Variants in EFCAB14 observed in about 807,000 individuals in gnomAD.
EFCAB14 encodes EF-hand calcium binding domain 14, also known as EF-hand calcium-binding domain-containing protein 14.
Under a neutral mutation model 56.5 loss-of-function variants are expected in EFCAB14, and 43 were observed. The observed-to-expected ratio is 0.76, with a 90% confidence interval of 0.60 to 0.98. The LOEUF is 0.98. Ranked by LOEUF, EFCAB14 falls within the 50% of genes least tolerant of loss-of-function variation. The pLI is 0.00. For missense variants in EFCAB14, 538 were observed against 580.3 expected (o/e 0.93, Z 0.75); for synonymous variants, 235 against 212.9 (o/e 1.10, Z -0.90).
chr1:46,699,023 T>G (rs1677116638), intron 3 of EFCAB14, among the ~76,000 whole-genome samples: 1 of 152,132 alleles, frequency 6.6e-6, no homozygotes, highest in South Asian at 2.1e-4. Flanking sequence ...TACGATTTGC[T>G]GGGACTGGGT....
intron 3 of EFCAB14, among the ~76,000 whole-genome samples, chr1:46,699,825 T>G (rs912734309): frequency 6.6e-6 from 1 of 152,212 alleles, no homozygotes; most frequent in African/African-American, 2.4e-5. Flanking sequence ...CAGAAGAGAA[T>G]AAAGTGGAAG....
At chr1:46,699,167 A>C (rs1390859072) in intron 3 of EFCAB14, among the ~76,000 whole-genome samples, 2 of 152,196 alleles carry the variant, frequency 1.3e-5, no homozygotes, top group African/African-American at 4.8e-5. Context: ...ATACTGAATA[A>C]AGTTCTGAGA....
intron 5 of EFCAB14, 28 bp from the exon 6 acceptor site, chr1:46,689,719 G>A: frequency 6.3e-7 from 1 of 1,593,216 alleles, no homozygotes. Flanking sequence ...GTTTAGTGTA[G>A]GCAACAAGGA....
intron 2 of EFCAB14, 39 bp from the exon 3 acceptor site, chr1:46,708,090 A>G: frequency 2.5e-6 from 4 of 1,593,382 alleles, no homozygotes; most frequent in Non-Finnish European, 3.4e-6. Context: ...ACTAGCATAA[A>G]GTGCCCTCAT....
Position 46,678,861 on chromosome 1 carries a change from G to A in EFCAB14, c.1313-225C>T, listed in dbSNP as rs539722841. Among the ~76,000 whole-genome samples, 44 of 148,260 alleles carry A rather than the reference G, an allele frequency of 3.0e-4. 1 individual carries two copies. Among genetic ancestry groups the A allele is most frequent in the African/African-American group, 1.1e-3 (42 of 39,996 alleles). On this transcript the variant is annotated intron_variant, in intron 10 of 10. Coordinates refer to ENST00000371933, the MANE Select transcript of EFCAB14 (RefSeq NM_014774.3). The stretch of plus-strand genomic sequence containing the variant: ...AAAAAGGCTGGGTGCAGTGGCTTAT[G>A]CCTATAATCCCAACACTCTGGGAGG...
intron 5 of EFCAB14, among the ~76,000 whole-genome samples, chr1:46,690,360 A>C (rs1485320567): frequency 6.6e-6 from 1 of 152,220 alleles, no homozygotes; most frequent in Non-Finnish European, 1.5e-5. Flanking sequence ...CTTATCTAGC[A>C]CAAAGAATGA....
chr1:46,686,574 C>A, intron 8 of EFCAB14: 1 of 560,704 alleles, frequency 1.8e-6, no homozygotes, highest in Non-Finnish European at 3.2e-6. Flanking sequence ...CACTATGGTC[C>A]CCCCAGCTCC....
intron 3 of EFCAB14, among the ~76,000 whole-genome samples, chr1:46,701,306 A>G (rs766037302): frequency 6.6e-6 from 1 of 152,150 alleles, no homozygotes; most frequent in African/African-American, 2.4e-5. Context: ...TGCCCCAGGT[A>G]TGTTTTCCTT....
intron 5 of EFCAB14, among the ~76,000 whole-genome samples, chr1:46,690,978 CAGATGAGTTACAT>C (rs757793696): frequency 6.6e-6 from 1 of 152,128 alleles, no homozygotes. Context: ...GTCCTGATTT[CAGATGAGTTACAT>C]ATAACTCATC....
rs1328089761 is a variant in EFCAB14, at chr1:46,686,774, C to G, written c.1074+10G>C. 1.2e-6 allele frequency: 2 copies of G among 1,612,702 alleles called. No homozygotes were observed. The highest frequency in any genetic ancestry group is 3.3e-5 in the Admixed American group (2 of 59,878). Reference sequence around the variant, plus strand: ...TACTTTTACTTCAGGGTAAGCCTCCCATTATTTACCTTTATGCTTTGGATT... The same window carrying G: ...TACTTTTACTTCAGGGTAAGCCTCCGATTATTTACCTTTATGCTTTGGATT... On this transcript the variant is annotated intron_variant, in intron 8 of 10. Transcript: ENST00000371933.
intron 4 of EFCAB14, among the ~76,000 whole-genome samples, chr1:46,695,215 T>C (rs746773586): frequency 2.6e-5 from 4 of 152,016 alleles, no homozygotes; most frequent in Non-Finnish European, 5.9e-5. Flanking sequence ...GAACTTAAAG[T>C]GTAATAAAAA....
chr1:46,712,845 TA>T (rs11388655), intron 2 of EFCAB14, among the ~76,000 whole-genome samples: 1 of 150,336 alleles, frequency 6.7e-6, no homozygotes. Context: ...CTGTCTCTAC[TA>T]AAAAAAAATA....
rs367575203 is a variant in EFCAB14 at position 46,705,769 on chromosome 1, G to A, written c.480+2137C>T. ...TTTTGTAAATGTATGTATCGCTCAC[G>A]TTTATTTCAATGTTGAATACTAGAT... On this transcript the variant is annotated intron_variant, in intron 3 of 10. Coordinates refer to ENST00000371933, the MANE Select transcript of EFCAB14 (RefSeq NM_014774.3). Among the ~76,000 whole-genome samples the A allele has an allele frequency of 5.1e-4, 77 of 152,110 alleles. No individual in the cohort carries two copies. In the South Asian group the frequency reaches 0.016, roughly 31 times the overall value.
intron 8 of EFCAB14, among the ~76,000 whole-genome samples, chr1:46,685,312 G>A (rs1271604447): frequency 1.3e-5 from 2 of 152,328 alleles, no homozygotes; most frequent in East Asian, 3.9e-4. Context: ...TGGTTTCTAT[G>A]AGGCTCATTT....
intron 3 of EFCAB14, 37 bp downstream of exon 3, chr1:46,707,869 T>C: frequency 1.3e-6 from 2 of 1,593,144 alleles, no homozygotes; most frequent in South Asian, 2.2e-5. Flanking sequence ...CAAACAAATA[T>C]TCATAGCTTA....
intron 3 of EFCAB14, among the ~76,000 whole-genome samples, chr1:46,702,051 GA>G (rs1278209425): frequency 1.3e-5 from 2 of 152,182 alleles, no homozygotes; most frequent in Non-Finnish European, 2.9e-5. Context: ...TCAGGCATTA[GA>G]AAAGTCACAC....
chr1:46,688,954 T>C (rs1166701422), intron 6 of EFCAB14, among the ~76,000 whole-genome samples: 1 of 152,204 alleles, frequency 6.6e-6, no homozygotes, highest in African/African-American at 2.4e-5. Context: ...CATGTAACAA[T>C]ACCATAACAA....
chr1:46,678,860 T>C (rs618505), intron 10 of EFCAB14, among the ~76,000 whole-genome samples: 120,002 of 150,538 alleles, frequency 0.8, 47,994 homozygotes, highest in East Asian at 0.91. Context: ...CAGTGGCTTA[T>C]GCCTATAATC....
Position 46,689,703 on chromosome 1 carries a change from AAAG to A in EFCAB14, c.691-15_691-13del. The stretch of plus-strand genomic sequence containing the variant: ...AAGAAGTGCTGATTCTGTTAAGAGG[AAAG>A]AAGTTTAGTGTAGGCAACAAGGAAT... On this transcript the variant is annotated splice_polypyrimidine_tract_variant and intron_variant, in intron 5 of 10. Coordinates refer to ENST00000371933, the MANE Select transcript of EFCAB14 (RefSeq NM_014774.3). 6.2e-7 allele frequency: 1 copy of A among 1,612,406 alleles called. No homozygotes were observed. Among genetic ancestry groups the A allele is most frequent in the Non-Finnish European group, 8.5e-7 (1 of 1,178,576 alleles).
Sources: allele counts gnomAD v4.1 joint callset (sites outside exome capture counted in the v4.1 genomes callset), GRCh38; gene constraint gnomAD v4.1.1; transcripts MANE v1.5; gene names NCBI Gene and HGNC (gene_info 2026-07-23, HGNC 2026-07-21).